NADK2: variants seen among roughly 807,000 people sequenced by gnomAD.
NADK2 encodes the protein NAD kinase domain-containing protein 1, mitochondrial.
Under a neutral mutation model 62.1 loss-of-function variants are expected in NADK2, and 35 were observed. The ratio of observed to expected loss-of-function variants is 0.56; its 90% confidence interval spans 0.43 to 0.75. NADK2 has a LOEUF of 0.75. NADK2 is among the 30% of genes least tolerant of loss of function. NADK2 has a pLI of 0.00. For synonymous variants in NADK2, 205 were observed against 207.9 expected (o/e 0.99, Z 0.12); for missense variants, 439 against 561.3 (o/e 0.78, Z 2.20).
Position 36,241,574 on chromosome 5 carries a change from G to C in NADK2, c.225C>G (p.Ala75=). The part of the protein sequence containing the change: ...GFRPSRVVVV[A]KTTRYEFEQQ... The stretch of plus-strand genomic sequence containing the variant: ...GCTCGAACTCGTACCGGGTGGTTTT[G>C]GCCACCACCACCACCCGGGAGGGGC... Residue 75 remains alanine, a synonymous_variant, in exon 1 of 12, where the codon GCC becomes GCG. Coordinates refer to ENST00000381937, the MANE Select transcript of NADK2 (RefSeq NM_001085411.3). The surrounding 1 kb of genome is among the most constrained non-coding windows in gnomAD (Gnocchi z 4.9). The C allele has an allele frequency of 1.9e-6, 3 of 1,546,838 alleles. No individual in the cohort carries two copies. Among genetic ancestry groups the C allele is most frequent in the South Asian group, 2.3e-5 (2 of 85,966 alleles).
intron 5 of NADK2, chr5:36,218,169 T>C (rs1747120282): frequency 7.7e-6 from 2 of 258,218 alleles, no homozygotes; most frequent in South Asian, 7.3e-5. Flanking sequence ...AAGTCCAAGA[T>C]ACTGAGCTAG....
At chr5:36,198,842 G>A (rs75153289) in intron 10 of NADK2, among the ~76,000 whole-genome samples, 2 of 151,896 alleles carry the variant, frequency 1.3e-5, no homozygotes, top group Non-Finnish European at 2.9e-5. Flanking sequence ...AAGGCTGAAC[G>A]GGGCTTGAGA....
At chr5:36,209,167 CCTTA>C (rs1023972219) in intron 7 of NADK2, among the ~76,000 whole-genome samples, 1 of 152,066 alleles carries the variant, frequency 6.6e-6, no homozygotes, top group African/African-American at 2.4e-5. Flanking sequence ...CCATTGCTGT[CCTTA>C]CTTAGTAAAA....
At chr5:36,234,731 T>C (rs935692514) in intron 1 of NADK2, among the ~76,000 whole-genome samples, 11 of 152,196 alleles carry the variant, frequency 7.2e-5, no homozygotes, top group Non-Finnish European at 1.3e-4. Flanking sequence ...TAAGTCTAGG[T>C]AGCTGAATAC....
chr5:36,208,716 G>A (rs900838511), intron 7 of NADK2: 5 of 1,457,800 alleles, frequency 3.4e-6, no homozygotes, highest in East Asian at 4.9e-5. Context: ...TAGGAGAAAA[G>A]AAAACAAAAT....
Position 36,226,526 on chromosome 5 carries a change from C to T in NADK2, c.427G>A (p.Glu143Lys). 1 of 1,613,134 alleles carries T rather than the reference C, an allele frequency of 6.2e-7. No homozygotes were observed. The highest frequency in any genetic ancestry group is 8.5e-7 in the Non-Finnish European group (1 of 1,179,550). Residue 143 changes from glutamate (E) to lysine (K), a missense_variant, in exon 3 of 12, where the codon GAA (glutamate) becomes AAA (lysine). Coordinates refer to ENST00000381937, the MANE Select transcript of NADK2 (RefSeq NM_001085411.3). ...CATCGAACAGTCTCTTCATCATATT[C>T]TCTCCTCTTTACTAGACGAACCTCA... ...GIEVRLVKRR[E>K]YDEETVRWAD... is the part of the protein sequence containing the mutation.
At chr5:36,225,808 A>C (rs756495309) in intron 3 of NADK2, among the ~76,000 whole-genome samples, 185 bp from the exon 4 acceptor site, 4 of 152,242 alleles carry the variant, frequency 2.6e-5, no homozygotes, top group Non-Finnish European at 1.5e-5. Context: ...CCAGGATTTC[A>C]TAAGTGGCAA....
chr5:36,219,911 TA>T (rs1161410501), intron 4 of NADK2, among the ~76,000 whole-genome samples: 1 of 152,206 alleles, frequency 6.6e-6, no homozygotes, highest in Non-Finnish European at 1.5e-5. Flanking sequence ...TACATAATAA[TA>T]TGTGAGTTTC....
intron 5 of NADK2, among the ~76,000 whole-genome samples, chr5:36,218,835 G>C (rs1226911364): frequency 6.6e-6 from 1 of 152,216 alleles, no homozygotes; most frequent in East Asian, 1.9e-4. Flanking sequence ...ACAGATACCA[G>C]GAATCTCAGC....
In NADK2 at chr5:36,195,255, A is replaced by G. The variant is rs1579590519; in HGVS notation, c.1218T>C (p.Asp406=). 3 of 1,611,746 alleles carry G rather than the reference A, an allele frequency of 1.9e-6. No homozygotes were observed. The South Asian group carries it at 3.3e-5, about 18-fold the overall frequency. Residue 406 remains aspartate (D), a synonymous_variant, in exon 12 of 12, where the codon GAT becomes GAC. Transcript: ENST00000381937. ...SKVCVRSRCW[D]ACMVVDGGTS... is the part of the protein sequence containing the mutation. ...TTCCTCCATCCACAACCATACAGGC[A>G]TCCCAACAACGAGAACGAACACAAA...
At chr5:36,222,610 GGGAAACT>G (rs1397091684) in intron 4 of NADK2, among the ~76,000 whole-genome samples, 5 of 152,312 alleles carry the variant, frequency 3.3e-5, no homozygotes, top group African/African-American at 1.2e-4. Flanking sequence ...TGAAGGTCAT[GGGAAACT>G]CTAAAAGATT....
At chr5:36,237,893 T>G (rs1747965998) in intron 1 of NADK2, among the ~76,000 whole-genome samples, 1 of 152,182 alleles carries the variant, frequency 6.6e-6, no homozygotes, top group Admixed American at 6.5e-5. Context: ...AGTCAGAGTC[T>G]TGCGGGGCTA....
chr5:36,196,051 T>C (rs1224736594), intron 11 of NADK2, among the ~76,000 whole-genome samples: 1 of 152,190 alleles, frequency 6.6e-6, no homozygotes, highest in Admixed American at 6.5e-5. Context: ...ATCTCTCTTC[T>C]ACTATTCATG....
intron 8 of NADK2, 122 bp from the exon 9 acceptor site, chr5:36,201,283 A>G (rs1184868657): frequency 8.5e-6 from 7 of 821,096 alleles, no homozygotes; most frequent in Non-Finnish European, 1.3e-5. Flanking sequence ...CTAAATGAAC[A>G]AAGTTAAAAA....
Position 36,241,705 on chromosome 5 carries a change from CG to C in NADK2, c.93del (p.Ala32ProfsTer66). The C allele has an allele frequency of 8.8e-7, 1 of 1,131,626 alleles. No individual in the cohort carries two copies. The highest frequency in any genetic ancestry group is 1.1e-6 in the Non-Finnish European group (1 of 927,662). 70.1% of individuals were successfully genotyped at this position (1,131,626 alleles called of 1,614,324 possible). ...AALRGPGAGGPAARPRLGGDG... is the reference protein window; with the variant it reads ...AALRGPGAGGXAARPRLGGDG... ...TCACCGCCCAGCCGGGGCCGCGCGG[CG>C]GGGCCTCCCGCACCCGGTCCCCGCA... On this transcript the variant is annotated frameshift_variant, in exon 1 of 12. Transcript: ENST00000381937. LOFTEE classifies it high-confidence loss of function. This position sits in a 1 kb window ranked among gnomAD's most constrained non-coding sequence, Gnocchi z 4.9.
At chr5:36,234,160 G>A (rs1032803118) in intron 1 of NADK2, among the ~76,000 whole-genome samples, 3 of 151,862 alleles carry the variant, frequency 2.0e-5, no homozygotes, top group Admixed American at 1.3e-4. Flanking sequence ...GGATCACGAG[G>A]TCAGGAGATC....
chr5:36,194,657 T>G lies in NADK2; in HGVS notation c.*487A>C, dbSNP rs181851773. 1 of 152,356 alleles carries G rather than the reference T, an allele frequency of 6.6e-6. No individual in the cohort carries two copies. The highest frequency in any genetic ancestry group is 1.5e-5 in the Non-Finnish European group (1 of 68,086). 9.4% of individuals were successfully genotyped at this position (152,356 alleles called of 1,614,324 possible). ...TACAAACATATTTACCTATGTCAAT[T>G]AGGTCAATGTCAGGATTTATCAAAA... is the stretch of plus-strand genomic sequence containing the variant. On this transcript the variant is annotated 3_prime_UTR_variant, in exon 12 of 12. Coordinates refer to ENST00000381937, the MANE Select transcript of NADK2 (RefSeq NM_001085411.3).
chr5:36,238,909 A>G (rs1049008319), intron 1 of NADK2, among the ~76,000 whole-genome samples: 1 of 152,224 alleles, frequency 6.6e-6, no homozygotes, highest in Non-Finnish European at 1.5e-5. Flanking sequence ...ATCAACTAAA[A>G]AATATTTCCT....
intron 11 of NADK2, among the ~76,000 whole-genome samples, chr5:36,197,261 TC>T (rs1159546457): frequency 6.6e-6 from 1 of 152,084 alleles, no homozygotes; most frequent in Non-Finnish European, 1.5e-5. Context: ...TATTGTGTCT[TC>T]GTTCATTTTT....
Sources: gnomAD v4.1 joint callset for allele counts (sites outside exome capture counted in the v4.1 genomes callset) on GRCh38, gnomAD v4.1.1 for gene constraint, Gnocchi (gnomAD v3.1) non-coding constraint, MANE v1.5 for transcripts, NCBI Gene and HGNC (gene_info 2026-07-23, HGNC 2026-07-21) for gene names.